The following ACAD11 variants were observed in gnomAD, a reference collection of about 807,000 sequenced individuals.
ACAD11 encodes acyl-CoA dehydrogenase family member 11.
ACAD11 carries 83 observed loss-of-function variants against 102.2 expected under a neutral mutation model. That is an observed-to-expected ratio of 0.81 (90% confidence interval 0.68 to 0.97). The LOEUF is 0.97. ACAD11 is among the 50% of genes least tolerant of loss of function. The pLI, the probability that ACAD11 is intolerant of heterozygous loss-of-function variation, is 0.00. For missense variants in ACAD11, 901 were observed against 951.7 expected (o/e 0.95, Z 0.70); for synonymous variants, 324 against 319.8 (o/e 1.01, Z -0.14).
Position 132,628,325 on chromosome 3 carries a change from AT to A in ACAD11, c.1070+14del. The A allele has an allele frequency of 1.3e-6, 2 of 1,592,804 alleles. No homozygotes were observed. The highest frequency in any genetic ancestry group is 1.7e-6 in the Non-Finnish European group (2 of 1,163,582). On this transcript the variant is annotated intron_variant, in intron 8 of 19. Coordinates refer to ENST00000264990, the MANE Select transcript of ACAD11 (RefSeq NM_032169.5). ...GGCTCTAATTTGAGTTAGCCAAGGA[AT>A]CTGTTTTCCTTACCGTTTGGAGAGT...
intron 13 of ACAD11, among the ~76,000 whole-genome samples, chr3:132,587,018 CG>C (rs1260271711): frequency 6.6e-6 from 1 of 151,984 alleles, no homozygotes; most frequent in African/African-American, 2.4e-5. Flanking sequence ...TGCCTGAACC[CG>C]GGAGGCAGAG....
chr3:132,602,229 T>C (rs1576579896), intron 13 of ACAD11: 1 of 166,994 alleles, frequency 6.0e-6, no homozygotes, highest in African/African-American at 2.4e-5. Context: ...TTTCTGATTC[T>C]TTTCAAAACA....
intron 1 of ACAD11, among the ~76,000 whole-genome samples, chr3:132,657,897 C>CT (rs1937897802): frequency 7.7e-6 from 1 of 129,922 alleles, no homozygotes; most frequent in South Asian, 2.5e-4. Context: ...GAGTCTCACT[C>CT]TGTCACCTAG....
chr3:132,629,956 T>TA (rs1296071551), intron 7 of ACAD11, among the ~76,000 whole-genome samples: 2 of 151,930 alleles, frequency 1.3e-5, no homozygotes, highest in African/African-American at 2.4e-5. Context: ...ACGATGAAAA[T>TA]AAAAAAATCT....
intron 1 of ACAD11, among the ~76,000 whole-genome samples, chr3:132,657,955 T>C (rs1299708736): frequency 6.7e-6 from 1 of 149,206 alleles, no homozygotes; most frequent in Non-Finnish European, 1.5e-5. Context: ...CTCCCTCTCC[T>C]GGTTCAAGCG....
At chr3:132,651,324 A>T (rs1940923647) in intron 1 of ACAD11, among the ~76,000 whole-genome samples, 1 of 152,118 alleles carries the variant, frequency 6.6e-6, no homozygotes, top group Non-Finnish European at 1.5e-5. Flanking sequence ...GGCATAATTC[A>T]CTATTACTCT....
At chr3:132,658,767 C>G (rs960475095) in intron 1 of ACAD11, among the ~76,000 whole-genome samples, 1 of 152,156 alleles carries the variant, frequency 6.6e-6, no homozygotes, top group Non-Finnish European at 1.5e-5. Flanking sequence ...AATATAAATG[C>G]TAGTGATAAA....
chr3:132,608,902 C>T (rs78455966), intron 11 of ACAD11, among the ~76,000 whole-genome samples: 2 of 152,084 alleles, frequency 1.3e-5, no homozygotes, highest in African/African-American at 4.8e-5. Context: ...TAAAACACTC[C>T]TCAGAAAATG....
At chr3:132,612,206 C>T (rs1165398475) in intron 11 of ACAD11, among the ~76,000 whole-genome samples, 1 of 152,016 alleles carries the variant, frequency 6.6e-6, no homozygotes, top group Non-Finnish European at 1.5e-5. Context: ...CTTCTTTACA[C>T]CTTATACAAA....
chr3:132,627,290 T>C (rs1176008779), intron 8 of ACAD11, among the ~76,000 whole-genome samples: 1 of 152,202 alleles, frequency 6.6e-6, no homozygotes, highest in Non-Finnish European at 1.5e-5. Context: ...TGCTGAGAGC[T>C]TTCTTTTCGC....
Position 132,576,970 on chromosome 3 carries a change from C to A in ACAD11, c.1820G>T (p.Arg607Leu). ...GHFEIHFNQV[R>L]VPATNLILGE... ...TAGTATTAGATTTGTGGCAGGAACT[C>A]GCACTTGATTAAAATGGATCTCAAA... The change falls in exon 16 of 20, where the codon CGA becomes CTA. Residue 607 changes from arginine (R) to leucine (L), a missense_variant. By Grantham distance (102) the Arg-to-Leu change is moderately radical. Coordinates refer to ENST00000264990, the MANE Select transcript of ACAD11 (RefSeq NM_032169.5). 3 of 1,610,600 alleles carry A rather than the reference C, an allele frequency of 1.9e-6. No homozygotes were observed. The South Asian group carries it at 3.3e-5, about 18-fold the overall frequency.
intron 9 of ACAD11, among the ~76,000 whole-genome samples, chr3:132,620,198 A>AG (rs1218064770): frequency 6.6e-6 from 1 of 152,380 alleles, no homozygotes; most frequent in African/African-American, 2.4e-5. Context: ...CCTCAGAGGT[A>AG]GACCATGGGA....
chr3:132,639,672 T>A lies in ACAD11; in HGVS notation c.538-16A>T. The A allele has an allele frequency of 6.3e-7, 1 of 1,594,808 alleles. No individual in the cohort carries two copies. The highest frequency in any genetic ancestry group is 8.5e-7 in the Non-Finnish European group (1 of 1,174,382). On this transcript the variant is annotated splice_polypyrimidine_tract_variant and intron_variant, in intron 4 of 19. Coordinates refer to ENST00000264990, the MANE Select transcript of ACAD11 (RefSeq NM_032169.5). ...AGGTTGATACCTAAAGACATATAAA[T>A]AAGAAAAATGGTAAAGCTGAAACTG...
chr3:132,579,170 C>T, intron 14 of ACAD11: 1 of 965,762 alleles, frequency 1.0e-6, no homozygotes, highest in Non-Finnish European at 1.4e-6. Context: ...AAGATTATTG[C>T]CTTTGATCTA....
intron 8 of ACAD11, among the ~76,000 whole-genome samples, 167 bp downstream of exon 8, chr3:132,628,173 C>T (rs1939898776): frequency 6.6e-6 from 1 of 152,036 alleles, no homozygotes; most frequent in Non-Finnish European, 1.5e-5. Context: ...TATTTTAGGT[C>T]AATTTGTTTT....
At chr3:132,611,797 G>A (rs1161390807) in intron 11 of ACAD11, among the ~76,000 whole-genome samples, 3 of 151,970 alleles carry the variant, frequency 2.0e-5, no homozygotes, top group African/African-American at 7.3e-5. Context: ...TGGCCATACA[G>A]CCCAAGGTAA....
chr3:132,610,497 G>T (rs902980144), intron 11 of ACAD11, among the ~76,000 whole-genome samples: 5 of 152,042 alleles, frequency 3.3e-5, no homozygotes, highest in African/African-American at 1.2e-4. Context: ...AAGAAGAAAA[G>T]AGAGAAGAAT....
chr3:132,629,889 A>G (rs1295923382), intron 7 of ACAD11, among the ~76,000 whole-genome samples: 1 of 148,080 alleles, frequency 6.8e-6, no homozygotes, highest in Non-Finnish European at 1.5e-5. Context: ...CAATGTAATT[A>G]GAAAAAAACC....
chr3:132,581,504 AATACT>A (rs1174008422), intron 13 of ACAD11, among the ~76,000 whole-genome samples: 2 of 151,990 alleles, frequency 1.3e-5, no homozygotes, highest in African/African-American at 4.8e-5. Flanking sequence ...TTGGAAAATA[AATACT>A]AAAGTCTTCA....
Sources: allele counts gnomAD v4.1 joint callset (sites outside exome capture counted in the v4.1 genomes callset), GRCh38; gene constraint gnomAD v4.1.1; transcripts MANE v1.5; gene names NCBI Gene and HGNC (gene_info 2026-07-23, HGNC 2026-07-21).